STXBP5L: variants seen among roughly 807,000 people sequenced by gnomAD.
The protein encoded by STXBP5L is syntaxin-binding protein 5-like.
Under a neutral mutation model 144.5 loss-of-function variants are expected in STXBP5L, and 65 were observed. That is an observed-to-expected ratio of 0.45 (90% CI 0.37 to 0.55). STXBP5L has a LOEUF of 0.55. Among genes scored for constraint, STXBP5L ranks in the 20% least tolerant of loss-of-function variants. STXBP5L has a pLI of 0.00. For synonymous variants in STXBP5L, 505 were observed against 469.6 expected (o/e 1.08, Z -0.97); for missense variants, 1,298 against 1,405.5 (o/e 0.92, Z 1.22).
In STXBP5L at chr3:121,398,295, G is replaced by C. The variant is rs185200973; in HGVS notation, c.2588-8948G>C. On this transcript the variant is annotated intron_variant, in intron 22 of 26. Transcript: ENST00000471454. The stretch of plus-strand genomic sequence containing the variant: ...CGCTGGCAAGGATCCACAGACTCCT[G>C]TTGGGACCTTTTGTGGGGGTTCCCC... Among the ~76,000 whole-genome samples the C allele has an allele frequency of 2.8e-3, 434 of 152,348 alleles. 2 individuals carry two copies. The highest frequency in any genetic ancestry group is 1.2e-3 in the Non-Finnish European group (85 of 68,034).
chr3:121,062,447 T>A (rs2041330780), intron 5 of STXBP5L, among the ~76,000 whole-genome samples: 1 of 152,208 alleles, frequency 6.6e-6, no homozygotes, highest in Non-Finnish European at 1.5e-5. Context: ...TTTCCTTCAT[T>A]TCAACCTTGG....
chr3:121,020,546 A>G (rs980457583), intron 3 of STXBP5L, among the ~76,000 whole-genome samples: 3 of 152,248 alleles, frequency 2.0e-5, no homozygotes, highest in African/African-American at 4.8e-5. Flanking sequence ...AAAACCTATC[A>G]GATTAACAGC....
intron 3 of STXBP5L, among the ~76,000 whole-genome samples, chr3:121,029,917 A>C (rs1401574396): frequency 1.3e-5 from 2 of 152,198 alleles, no homozygotes; most frequent in South Asian, 4.1e-4. Flanking sequence ...GCCCACATAC[A>C]TATGAAAAAA....
intron 5 of STXBP5L, among the ~76,000 whole-genome samples, chr3:121,112,200 C>T (rs964592405): frequency 6.6e-6 from 1 of 152,068 alleles, no homozygotes; most frequent in Non-Finnish European, 1.5e-5. Flanking sequence ...CCCTCAGGAA[C>T]TTGGTAATCT....
At chr3:121,267,545 C>A (rs1287504857) in intron 18 of STXBP5L, among the ~76,000 whole-genome samples, 1 of 152,054 alleles carries the variant, frequency 6.6e-6, no homozygotes, top group African/African-American at 2.4e-5. Context: ...GGTAACAAAG[C>A]CAAAATTGAC....
intron 19 of STXBP5L, among the ~76,000 whole-genome samples, chr3:121,311,906 C>T (rs1186303011): frequency 1.3e-5 from 2 of 152,174 alleles, no homozygotes; most frequent in African/African-American, 2.4e-5. Context: ...GCCAAAAGAA[C>T]AAAGCTGGAG....
intron 19 of STXBP5L, among the ~76,000 whole-genome samples, chr3:121,304,452 C>G (rs1037198097): frequency 3.9e-5 from 6 of 151,976 alleles, no homozygotes; most frequent in African/African-American, 1.4e-4. Flanking sequence ...GTAACATTCA[C>G]AAGGATAGAC....
At chr3:121,200,770 C>G (rs946281538) in intron 9 of STXBP5L, among the ~76,000 whole-genome samples, 3 of 152,180 alleles carry the variant, frequency 2.0e-5, no homozygotes, top group Non-Finnish European at 2.9e-5. Flanking sequence ...GCAGGTTACT[C>G]AATTTCCATT....
intron 19 of STXBP5L, among the ~76,000 whole-genome samples, chr3:121,291,589 C>T (rs2051441035): frequency 6.6e-6 from 1 of 151,958 alleles, no homozygotes; most frequent in Admixed American, 6.6e-5. Context: ...CAAAAAAGCC[C>T]ACATTGTCAA....
chr3:121,159,785 A>C (rs1205534695), intron 9 of STXBP5L, among the ~76,000 whole-genome samples: 2 of 150,030 alleles, frequency 1.3e-5, no homozygotes, highest in African/African-American at 2.5e-5. Flanking sequence ...GCCCGCTACC[A>C]TGCCCGGCTA....
At chr3:121,278,373 T>G (rs1265930164) in intron 18 of STXBP5L, among the ~76,000 whole-genome samples, 1 of 151,964 alleles carries the variant, frequency 6.6e-6, no homozygotes, top group Non-Finnish European at 1.5e-5. Flanking sequence ...TCCCCAGCCC[T>G]AAGCTATAAC....
chr3:121,095,527 T>G (rs1420967265), intron 5 of STXBP5L, among the ~76,000 whole-genome samples: 10 of 152,224 alleles, frequency 6.6e-5, no homozygotes, highest in Admixed American at 5.9e-4. Flanking sequence ...TCGCTTCATT[T>G]CATTCATTTG....
Position 121,413,203 on chromosome 3 carries a change from G to C in STXBP5L, c.2994G>C (p.Leu998=). ...RPMLDVNYLP[L]TDMRIARTFC... is the part of the protein sequence containing the mutation. ...TGTTGGATGTTAATTATTTGCCACT[G>C]ACAGACATGAGGATAGCACGAACAT... The change falls in exon 24 of 27, where the codon CTG becomes CTC. Residue 998 remains leucine, a synonymous_variant. Transcript: ENST00000471454. The C allele has an allele frequency of 6.2e-7, 1 of 1,606,330 alleles. No individual in the cohort carries two copies.
Position 121,255,099 on chromosome 3 carries a change from C to A in STXBP5L, c.1646C>A (p.Thr549Lys). The A allele has an allele frequency of 1.3e-6, 2 of 1,588,614 alleles. No homozygotes were observed. Among genetic ancestry groups the A allele is most frequent in the South Asian group, 1.2e-5 (1 of 86,402 alleles). ...IIYKFSRHEI[T>K]TEIVSLEVRL... ...TATAAATTCAGCAGACATGAAATTACAACAGAAATAGTGGTAAGTTATTTA... is the reference window on the plus strand; with the variant it reads ...TATAAATTCAGCAGACATGAAATTAAAACAGAAATAGTGGTAAGTTATTTA... The change falls in exon 16 of 27, where the codon ACA (threonine) becomes AAA (lysine). Residue 549 changes from threonine to lysine, a missense_variant. Coordinates refer to ENST00000471454, the MANE Select transcript of STXBP5L (RefSeq NM_001308330.2).
chr3:121,377,104 C>T (rs2046206406), intron 20 of STXBP5L, among the ~76,000 whole-genome samples: 1 of 152,128 alleles, frequency 6.6e-6, no homozygotes, highest in Non-Finnish European at 1.5e-5. Context: ...GCCGAAGTTG[C>T]TTATCAGCTG....
rs538455168 is a variant in STXBP5L, at chr3:121,108,414, T to G, written c.471-6511T>G. Among the ~76,000 whole-genome samples the G allele has an allele frequency of 3.3e-5, 5 of 152,350 alleles. No homozygotes were observed. The East Asian group carries it at 9.6e-4, about 29-fold the overall frequency. ...CAATACCCAGTTTATTGAGAGTTTT[T>G]AACATGAAGAGATGTTGAATTTTAT... On this transcript the variant is annotated intron_variant, in intron 5 of 26. Coordinates refer to ENST00000471454, the MANE Select transcript of STXBP5L (RefSeq NM_001308330.2).
intron 3 of STXBP5L, among the ~76,000 whole-genome samples, chr3:120,984,361 T>C (rs1226924935): frequency 6.6e-6 from 1 of 152,188 alleles, no homozygotes; most frequent in Non-Finnish European, 1.5e-5. Context: ...CTCAGGATAG[T>C]ATTCTCATTT....
At chr3:121,257,404 AAATT>A (rs923569967) in intron 17 of STXBP5L, 71 bp downstream of exon 17, 3 of 1,380,688 alleles carry the variant, frequency 2.2e-6, no homozygotes, top group Non-Finnish European at 3.0e-6. Flanking sequence ...GTGACAAATG[AAATT>A]AATTTTCTCT....
chr3:120,943,910 T>C (rs1710705169), intron 2 of STXBP5L, among the ~76,000 whole-genome samples: 1 of 151,420 alleles, frequency 6.6e-6, no homozygotes. Flanking sequence ...TCTCTGTCTC[T>C]TCTGTTTGAA....
Sources: gnomAD v4.1 joint callset for allele counts (sites outside exome capture counted in the v4.1 genomes callset) on GRCh38, gnomAD v4.1.1 for gene constraint, MANE v1.5 for transcripts, NCBI Gene and HGNC (gene_info 2026-07-23, HGNC 2026-07-21) for gene names.